SDK1: variants seen among roughly 807,000 people sequenced by gnomAD.
The protein encoded by SDK1 is sidekick cell adhesion molecule 1, also known as protein sidekick-1.
SDK1 carries 157 observed loss-of-function variants against 245.5 expected under a neutral mutation model. That is an observed-to-expected ratio of 0.64 (90% CI 0.56 to 0.73). The LOEUF (loss-of-function observed/expected upper bound fraction) is 0.73. SDK1 is among the 30% of genes least tolerant of loss of function. The probability of loss-of-function intolerance (pLI) is 0.00; values close to 1 mark genes in which losing one functional copy is unlikely to be tolerated. For synonymous variants in SDK1, 1,647 were observed against 1,278.5 expected (o/e 1.29, Z -6.15); for missense variants, 3,583 against 3,002.3 (o/e 1.19, Z -4.52).
In SDK1 at chr7:4,186,375, G is replaced by A. The variant is rs186056292; in HGVS notation, c.5098+7789G>A. 3.2e-4 allele frequency among the ~76,000 whole-genome samples: 49 copies of A among 152,244 alleles called. 1 individual carries two copies. Among genetic ancestry groups the A allele is most frequent in the Admixed American group, 2.4e-3 (36 of 15,302 alleles). On this transcript the variant is annotated intron_variant, in intron 35 of 44. Transcript: ENST00000404826. The stretch of plus-strand genomic sequence containing the variant: ...CCCACCCCGGCTGCTGGGACCCCTC[G>A]TGCACCTTTGTTATCCCCAGGGTCG...
chr7:3,308,235 A>C (rs1779466935), intron 1 of SDK1, among the ~76,000 whole-genome samples: 1 of 152,156 alleles, frequency 6.6e-6, no homozygotes. Flanking sequence ...GGGCAAGGCT[A>C]ACAAATCTGG....
chr7:3,547,972 C>T (rs184374195), intron 1 of SDK1, among the ~76,000 whole-genome samples: 10 of 152,312 alleles, frequency 6.6e-5, no homozygotes, highest in Middle Eastern at 3.4e-3. Flanking sequence ...TAACCTGATT[C>T]TTCCTTCTGT....
intron 32 of SDK1, among the ~76,000 whole-genome samples, chr7:4,173,478 C>T (rs374435656): frequency 8.5e-5 from 13 of 152,204 alleles, no homozygotes; most frequent in African/African-American, 2.9e-4. Context: ...GGTCTCATAA[C>T]CCTGTGTTTA....
intron 1 of SDK1, among the ~76,000 whole-genome samples, chr7:3,525,324 CTGTT>C (rs773690253): frequency 3.9e-5 from 6 of 152,026 alleles, no homozygotes; most frequent in Non-Finnish European, 7.4e-5. Context: ...CATTTTCTGC[CTGTT>C]TATCAGCAGA....
chr7:3,962,536 G>A (rs1781781872), intron 8 of SDK1, 121 bp from the exon 9 acceptor site: 1 of 880,070 alleles, frequency 1.1e-6, no homozygotes, highest in South Asian at 1.8e-5. Context: ...GTGGTTGAAA[G>A]CACGAATACA....
chr7:4,048,877 A>G (rs1789226445), intron 17 of SDK1, among the ~76,000 whole-genome samples: 1 of 152,198 alleles, frequency 6.6e-6, no homozygotes, highest in South Asian at 2.1e-4. Context: ...TTAACCTCCA[A>G]CAGCATATAT....
At chr7:3,380,329 C>T (rs944008858) in intron 1 of SDK1, among the ~76,000 whole-genome samples, 1 of 152,210 alleles carries the variant, frequency 6.6e-6, no homozygotes, top group African/African-American at 2.4e-5. Flanking sequence ...TTGCTAGTAT[C>T]TCATAATGTA....
At chr7:3,487,773 A>G (rs1052212489) in intron 1 of SDK1, among the ~76,000 whole-genome samples, 5 of 151,192 alleles carry the variant, frequency 3.3e-5, no homozygotes, top group East Asian at 1.9e-4. Flanking sequence ...AAAAAAAAAA[A>G]AAAGAAAAGG....
intron 32 of SDK1, among the ~76,000 whole-genome samples, chr7:4,165,388 G>A (rs1483532372): frequency 2.0e-5 from 3 of 152,098 alleles, no homozygotes; most frequent in South Asian, 2.1e-4. Context: ...AACACGGGCT[G>A]TAATTTCAAG....
At chr7:3,707,927 C>A (rs1027465429) in intron 4 of SDK1, among the ~76,000 whole-genome samples, 2 of 152,132 alleles carry the variant, frequency 1.3e-5, no homozygotes, top group Non-Finnish European at 2.9e-5. Flanking sequence ...CATCCCCTTA[C>A]CTTGAGTTTT....
chr7:4,222,176 A>C (rs1449754469), intron 40 of SDK1, among the ~76,000 whole-genome samples: 1 of 152,254 alleles, frequency 6.6e-6, no homozygotes, highest in Non-Finnish European at 1.5e-5. Context: ...TAAACAGGCT[A>C]TTAGACCAAG....
At chr7:4,157,621 G>A (rs1300142687) in intron 30 of SDK1, among the ~76,000 whole-genome samples, 9 of 152,130 alleles carry the variant, frequency 5.9e-5, no homozygotes, top group African/African-American at 1.7e-4. Flanking sequence ...TAAAATCTCC[G>A]TCGACGGGCT....
chr7:3,472,363 A>G (rs971230916), intron 1 of SDK1, among the ~76,000 whole-genome samples: 12 of 151,712 alleles, frequency 7.9e-5, no homozygotes, highest in African/African-American at 2.4e-4. Context: ...CCAGTATGCT[A>G]TTAGGTGCTG....
intron 1 of SDK1, among the ~76,000 whole-genome samples, chr7:3,309,303 C>T (rs777597402): frequency 6.6e-6 from 1 of 151,460 alleles, no homozygotes; most frequent in Admixed American, 6.6e-5. Flanking sequence ...GATTTTTATA[C>T]ACAAACCACC....
At chr7:3,879,784 T>C (rs949745668) in intron 5 of SDK1, among the ~76,000 whole-genome samples, 1 of 152,242 alleles carries the variant, frequency 6.6e-6, no homozygotes, top group Non-Finnish European at 1.5e-5. Flanking sequence ...TAGCCTGGGC[T>C]GTAGTGGAAC....
intron 1 of SDK1, among the ~76,000 whole-genome samples, chr7:3,444,320 C>A (rs935421697): frequency 2.0e-5 from 3 of 152,074 alleles, no homozygotes; most frequent in Admixed American, 6.6e-5. Flanking sequence ...ACCAGACATC[C>A]CCAACTTCCA....
chr7:3,363,131 C>T (rs1780997731), intron 1 of SDK1, among the ~76,000 whole-genome samples: 2 of 152,140 alleles, frequency 1.3e-5, no homozygotes, highest in African/African-American at 2.4e-5. Context: ...CCACACTGAC[C>T]TCTCCTATCT....
intron 33 of SDK1, among the ~76,000 whole-genome samples, chr7:4,174,776 C>T (rs571163281): frequency 1.2e-4 from 18 of 152,238 alleles, no homozygotes; most frequent in Non-Finnish European, 2.5e-4. Flanking sequence ...TGCTCACCCC[C>T]GGGCTGATTT....
intron 34 of SDK1, 61 bp from the exon 35 acceptor site, chr7:4,178,424 C>A (rs2128219003): frequency 6.3e-6 from 8 of 1,278,106 alleles, no homozygotes; most frequent in Non-Finnish European, 8.0e-6. Context: ...ATAGGGGGAA[C>A]TTTGGAGAAA....
Sources: allele counts gnomAD v4.1 joint callset (sites outside exome capture counted in the v4.1 genomes callset), GRCh38; gene constraint gnomAD v4.1.1; transcripts MANE v1.5; gene names NCBI Gene and HGNC (gene_info 2026-07-23, HGNC 2026-07-21).